Variants in NRXN1 observed in about 807,000 individuals in gnomAD.
NRXN1 encodes the protein neurexin-1.
A neutral mutation model predicts 150.9 loss-of-function variants in NRXN1; 39 were observed. That is an observed-to-expected ratio of 0.26 (90% CI 0.20 to 0.34). The LOEUF (loss-of-function observed/expected upper bound fraction) is 0.34. Among genes scored for constraint, NRXN1 ranks in the 10% least tolerant of loss-of-function variants. The pLI is 1.00. For missense variants in NRXN1, 1,815 were observed against 1,949.9 expected (o/e 0.93, Z 1.30); for synonymous variants, 924 against 757.0 (o/e 1.22, Z -3.62).
At chr2:50,914,253 T>C (rs1423075541) in intron 5 of NRXN1, among the ~76,000 whole-genome samples, 1 of 151,676 alleles carries the variant, frequency 6.6e-6, no homozygotes, top group Non-Finnish European at 1.5e-5. Flanking sequence ...TTTGGGTGTT[T>C]ATGCCTACTT....
intron 5 of NRXN1, among the ~76,000 whole-genome samples, chr2:50,662,908 A>G (rs1225828639): frequency 1.3e-5 from 2 of 152,026 alleles, no homozygotes. Flanking sequence ...TTGTAAAATC[A>G]TTGATTCTTA....
intron 21 of NRXN1, among the ~76,000 whole-genome samples, chr2:49,972,009 C>A (rs1464734276): frequency 6.6e-6 from 1 of 152,074 alleles, no homozygotes; most frequent in South Asian, 2.1e-4. Flanking sequence ...AGATAACTGA[C>A]AAGTGAGCTG....
chr2:51,021,949 A>T (rs1669679919), intron 2 of NRXN1, among the ~76,000 whole-genome samples: 1 of 152,078 alleles, frequency 6.6e-6, no homozygotes, highest in Non-Finnish European at 1.5e-5. Context: ...AATTCTCAGA[A>T]TGTGATTTTT....
intron 5 of NRXN1, among the ~76,000 whole-genome samples, chr2:50,784,156 A>T (rs899777290): frequency 1.3e-5 from 2 of 152,168 alleles, no homozygotes; most frequent in African/African-American, 2.4e-5. Context: ...AGTTTCTTCA[A>T]TAAATATATT....
chr2:49,963,578 G>C (rs1676388530), intron 21 of NRXN1, among the ~76,000 whole-genome samples: 1 of 152,142 alleles, frequency 6.6e-6, no homozygotes, highest in South Asian at 2.1e-4. Context: ...AATAAGTCTT[G>C]ATTACAGTAT....
chr2:50,585,383 G>A (rs544863825), intron 8 of NRXN1, among the ~76,000 whole-genome samples: 46 of 152,260 alleles, frequency 3.0e-4, no homozygotes, highest in African/African-American at 1.0e-3. Context: ...AGAAGAATAT[G>A]TGGTGTTGTT....
intron 18 of NRXN1, among the ~76,000 whole-genome samples, chr2:50,210,075 A>G (rs1462253793): frequency 6.6e-6 from 1 of 151,988 alleles, no homozygotes; most frequent in Non-Finnish European, 1.5e-5. Context: ...CAGGCAAATA[A>G]TAAGAATTTG....
chr2:50,526,429 A>G (rs539951306), intron 12 of NRXN1, among the ~76,000 whole-genome samples: 23 of 152,292 alleles, frequency 1.5e-4, no homozygotes, highest in African/African-American at 5.5e-4. Flanking sequence ...AGACAAACCT[A>G]TGGCTCACAG....
At chr2:50,380,854 T>C (rs780591519) in intron 17 of NRXN1, among the ~76,000 whole-genome samples, 3 of 152,126 alleles carry the variant, frequency 2.0e-5, no homozygotes, top group Non-Finnish European at 2.9e-5. Context: ...TGCCATATTA[T>C]CATCACCAAT....
intron 18 of NRXN1, among the ~76,000 whole-genome samples, chr2:50,190,329 C>T (rs1275374147): frequency 6.6e-6 from 1 of 151,988 alleles, no homozygotes; most frequent in Admixed American, 6.6e-5. Context: ...GAATGCCACA[C>T]CAAATATTGT....
intron 5 of NRXN1, among the ~76,000 whole-genome samples, chr2:50,905,383 G>C (rs1168876485): frequency 6.6e-6 from 1 of 152,116 alleles, no homozygotes; most frequent in Non-Finnish European, 1.5e-5. Context: ...TGTGAGTCTG[G>C]TTAGGGCACA....
intron 18 of NRXN1, among the ~76,000 whole-genome samples, chr2:50,202,707 A>ACCC: frequency 6.6e-6 from 1 of 152,158 alleles, no homozygotes; most frequent in African/African-American, 2.4e-5. Flanking sequence ...GAGATGATAT[A>ACCC]TGAATATAAA....
rs2091690688 is a variant in NRXN1 at position 50,497,308 on chromosome 2, T to C, written c.2879+25A>G. ...CCATTTTTCCAAAGTTTTATTTATT[T>C]GCTATTGAACAGGCATGTACTCACC... On this transcript the variant is annotated intron_variant, in intron 14 of 22. Coordinates refer to ENST00000401669, the MANE Select transcript of NRXN1 (RefSeq NM_001330078.2). The C allele has an allele frequency of 3.5e-6, 5 of 1,429,656 alleles. No homozygotes were observed. In the African/African-American group the frequency reaches 7.1e-5, roughly 20 times the overall value. The allele number at this position is 1,429,656 out of a possible 1,614,324, so 88.6% of individuals were successfully genotyped here.
At chr2:50,091,048 T>A (rs563000662) in intron 19 of NRXN1, among the ~76,000 whole-genome samples, 2 of 152,364 alleles carry the variant, frequency 1.3e-5, no homozygotes, top group South Asian at 4.1e-4. Context: ...AGCTTTGATA[T>A]GTTGTGCTTT....
intron 17 of NRXN1, among the ~76,000 whole-genome samples, chr2:50,393,013 A>G (rs1348249989): frequency 6.6e-6 from 1 of 152,072 alleles, no homozygotes; most frequent in Non-Finnish European, 1.5e-5. Context: ...TTCCCGGGAA[A>G]GAAGAAAAAG....
intron 5 of NRXN1, among the ~76,000 whole-genome samples, chr2:50,762,468 T>C (rs1022244269): frequency 1.3e-5 from 2 of 151,852 alleles, no homozygotes; most frequent in East Asian, 1.9e-4. Flanking sequence ...CAGTAGATAA[T>C]TTTTTCAACT....
At chr2:50,311,646 T>C (rs182185604) in intron 17 of NRXN1, among the ~76,000 whole-genome samples, 1 of 152,242 alleles carries the variant, frequency 6.6e-6, no homozygotes, top group Non-Finnish European at 1.5e-5. Context: ...TGATGACCTT[T>C]TCATAATATG....
intron 5 of NRXN1, among the ~76,000 whole-genome samples, chr2:50,785,562 T>G (rs904690707): frequency 6.6e-6 from 1 of 152,084 alleles, no homozygotes; most frequent in Non-Finnish European, 1.5e-5. Flanking sequence ...ACTTCTGTAT[T>G]TTAAGCCACT....
chr2:50,879,920 C>A (rs1186587881), intron 5 of NRXN1, among the ~76,000 whole-genome samples: 2 of 151,836 alleles, frequency 1.3e-5, no homozygotes, highest in African/African-American at 2.4e-5. Context: ...CCGAGTCCTG[C>A]CACCCAGTAC....
Sources: allele counts gnomAD v4.1 joint callset (sites outside exome capture counted in the v4.1 genomes callset), GRCh38; gene constraint gnomAD v4.1.1; transcripts MANE v1.5; gene names NCBI Gene and HGNC (gene_info 2026-07-23, HGNC 2026-07-21).